Variants in RIMOC1 observed in about 807,000 individuals in gnomAD.
RIMOC1 encodes RAB7A interacting MON1-CCZ1 complex subunit 1.
At chr5:41,921,030 G>T in the RIMOC1 span, 6 of 152,512 alleles carry the variant, frequency 3.9e-5, no homozygotes, top group African/African-American at 1.4e-4. Context: ...CTTAGTTAAA[G>T]ACCTGTGTGC....
the RIMOC1 span, among the ~76,000 whole-genome samples, chr5:41,911,733 T>G: frequency 6.6e-6 from 1 of 152,204 alleles, no homozygotes; most frequent in Non-Finnish European, 1.5e-5. Flanking sequence ...CACATACATG[T>G]TTTTAATACA....
At chr5:41,920,959 C>T in the RIMOC1 span, 1 of 152,370 alleles carries the variant, frequency 6.6e-6, no homozygotes, top group African/African-American at 2.4e-5. Context: ...TTTTCACAGT[C>T]GTTAAATGTG....
At chr5:41,916,928 A>G in the RIMOC1 span, 7,298 of 1,219,590 alleles carry the variant, frequency 6.0e-3, 289 homozygotes, top group Admixed American at 0.096. Flanking sequence ...CTTAATGACA[A>G]AAGGAACTTT....
the RIMOC1 span, chr5:41,909,690 TG>T: frequency 4.6e-6 from 6 of 1,291,100 alleles, no homozygotes; most frequent in South Asian, 1.5e-5. Flanking sequence ...CTGTAAGAAT[TG>T]TTTTTTTTCA....
At chr5:41,918,388 C>A in the RIMOC1 span, 1 of 985,792 alleles carries the variant, frequency 1.0e-6, no homozygotes, top group Non-Finnish European at 1.2e-6. Flanking sequence ...TTCTTACCCC[C>A]TTTTCTTGAC....
chr5:41,911,773 ATTCTT>A, the RIMOC1 span, among the ~76,000 whole-genome samples: 13 of 152,156 alleles, frequency 8.5e-5, no homozygotes, highest in Non-Finnish European at 1.8e-4. Context: ...TATTATCTTT[ATTCTT>A]TTCTTCCTCT....
the RIMOC1 span, among the ~76,000 whole-genome samples, chr5:41,914,455 TCAAA>T: frequency 6.0e-5 from 7 of 116,866 alleles, no homozygotes; most frequent in East Asian, 1.7e-3. Flanking sequence ...AGACTCTGTC[TCAAA>T]CAAAACAAAA....
chr5:41,913,695 T>G, the RIMOC1 span, among the ~76,000 whole-genome samples: 1 of 152,212 alleles, frequency 6.6e-6, no homozygotes, highest in Non-Finnish European at 1.5e-5. Context: ...TCCTGTTTCT[T>G]TGTTAGCCTC....
chr5:41,909,047 T>A, the RIMOC1 span, among the ~76,000 whole-genome samples: 2 of 152,172 alleles, frequency 1.3e-5, no homozygotes, highest in African/African-American at 4.8e-5. Context: ...TTTAGTCCAA[T>A]TTATCATTTA....
At chr5:41,917,392 A>T in the RIMOC1 span, 1 of 1,458,734 alleles carries the variant, frequency 6.9e-7, no homozygotes, top group African/African-American at 1.4e-5. Flanking sequence ...GATACTGAAT[A>T]TGAGAACATT....
the RIMOC1 span, chr5:41,904,374 G>C: frequency 3.7e-6 from 6 of 1,613,402 alleles, no homozygotes; most frequent in Non-Finnish European, 5.1e-6. Context: ...GGCCATGGCG[G>C]CCGCAGTCTC....
chr5:41,913,456 A>G, the RIMOC1 span, among the ~76,000 whole-genome samples: 1 of 152,202 alleles, frequency 6.6e-6, no homozygotes, highest in Non-Finnish European at 1.5e-5. Context: ...CTTGTGTGTG[A>G]GGAGAGAAGA....
At chr5:41,904,387 G>A in the RIMOC1 span, 1 of 1,613,906 alleles carries the variant, frequency 6.2e-7, no homozygotes, top group Non-Finnish European at 8.5e-7. Flanking sequence ...GCAGTCTCTA[G>A]TGTGGTGAGA....
chr5:41,921,430 GTTC>G, the RIMOC1 span: 1 of 146,934 alleles, frequency 6.8e-6, no homozygotes, highest in East Asian at 2.0e-4. Flanking sequence ...ACTTCCCTAT[GTTC>G]TTTTTTTTTT....
chr5:41,913,397 T>A, the RIMOC1 span, among the ~76,000 whole-genome samples: 2 of 152,210 alleles, frequency 1.3e-5, no homozygotes, highest in Admixed American at 1.3e-4. Context: ...AGCGTCTGTG[T>A]ACTTGAAAAT....
At chr5:41,909,718 A>C in the RIMOC1 span, 11 of 1,416,950 alleles carry the variant, frequency 7.8e-6, no homozygotes, top group Non-Finnish European at 1.0e-5. Context: ...AGTCATTGAT[A>C]GATATCTTTC....
the RIMOC1 span, among the ~76,000 whole-genome samples, chr5:41,910,071 A>C: frequency 7.2e-5 from 11 of 152,116 alleles, no homozygotes; most frequent in Non-Finnish European, 1.5e-4. Context: ...ATCATATTTT[A>C]CTAAATGTAT....
At chr5:41,912,021 A>G in the RIMOC1 span, 1 of 1,109,560 alleles carries the variant, frequency 9.0e-7, no homozygotes, top group Non-Finnish European at 1.4e-6. Flanking sequence ...AAGTTTATAT[A>G]TCTCTGCATA....
the RIMOC1 span, among the ~76,000 whole-genome samples, chr5:41,916,130 A>G: frequency 1.3e-5 from 2 of 152,184 alleles, no homozygotes; most frequent in East Asian, 1.9e-4. Flanking sequence ...TTTTTCTTCA[A>G]TGGCTTTAAG....
Sources: gnomAD v4.1 joint callset for allele counts (sites outside exome capture counted in the v4.1 genomes callset) on GRCh38, gnomAD v4.1.1 for gene constraint, MANE v1.5 for transcripts, NCBI Gene and HGNC (gene_info 2026-07-23, HGNC 2026-07-21) for gene names.